The following EYS variants were observed in gnomAD, a reference collection of about 807,000 sequenced individuals.
EYS encodes the protein EGF-like photoreceptor maintenance factor.
Under a neutral mutation model 282.1 loss-of-function variants are expected in EYS, and 250 were observed. That is an observed-to-expected ratio of 0.89 (90% CI 0.80 to 0.98). EYS has a LOEUF of 0.98. Ranked by LOEUF, EYS falls within the 50% of genes least tolerant of loss-of-function variation. The pLI is 0.00. For missense variants in EYS, 4,016 were observed against 3,709.0 expected, an observed-to-expected ratio of 1.08 and a Z score of -2.15; for synonymous variants, 1,355 against 1,282.9, an observed-to-expected ratio of 1.06 and a Z score of -1.20.
intron 1 of EYS, among the ~76,000 whole-genome samples, chr6:65,679,070 G>C (rs978177351): frequency 6.6e-6 from 1 of 151,862 alleles, no homozygotes. Flanking sequence ...CTGTAAAATC[G>C]TGCTGGGGCT....
intron 9 of EYS, among the ~76,000 whole-genome samples, chr6:65,350,534 C>T (rs1221233633): frequency 6.6e-6 from 1 of 151,506 alleles, no homozygotes; most frequent in Non-Finnish European, 1.5e-5. Context: ...CTTGGATAAG[C>T]AAACTGAAAT....
intron 25 of EYS, 100 bp from the exon 26 acceptor site, chr6:64,592,089 C>T (rs1246029135): frequency 1.7e-5 from 12 of 706,452 alleles, no homozygotes; most frequent in Middle Eastern, 5.1e-4. Flanking sequence ...TGGCACCTTA[C>T]ATCCATTATA....
rs148569765 is a variant in EYS at position 63,811,570 on chromosome 6, G to A, written c.7229-5198C>T. On this transcript the variant is annotated intron_variant, in intron 36 of 42. Transcript: ENST00000503581. ...CATTCTGTATTTGATCATGAGTACC[G>A]TTTACAGGTGGATGAGTCCTGAGTA... Among the ~76,000 whole-genome samples, 644 of 151,764 alleles carry A rather than the reference G, an allele frequency of 4.2e-3. 7 individuals carry two copies. The highest frequency in any genetic ancestry group is 0.015 in the African/African-American group (615 of 41,328).
intron 13 of EYS, among the ~76,000 whole-genome samples, chr6:65,022,913 A>T (rs1030276441): frequency 6.6e-6 from 1 of 151,930 alleles, no homozygotes; most frequent in Non-Finnish European, 1.5e-5. Flanking sequence ...TGTTAACATT[A>T]ATTTGAAAGA....
At chr6:64,571,254 C>T (rs375855114) in intron 26 of EYS, among the ~76,000 whole-genome samples, 4 of 152,240 alleles carry the variant, frequency 2.6e-5, no homozygotes, top group African/African-American at 4.8e-5. Flanking sequence ...ACACAATGTA[C>T]CAGCATCTCT....
chr6:64,584,862 G>T (rs569717977), intron 26 of EYS, among the ~76,000 whole-genome samples: 1 of 151,944 alleles, frequency 6.6e-6, no homozygotes, highest in Non-Finnish European at 1.5e-5. Context: ...ACTATAAAAT[G>T]TACTCACTAT....
intron 2 of EYS, among the ~76,000 whole-genome samples, chr6:65,519,011 G>A (rs747904381): frequency 9.9e-5 from 15 of 152,082 alleles, no homozygotes; most frequent in South Asian, 4.2e-4. Flanking sequence ...TAATGCCCAT[G>A]TCAGAAAAAA....
At chr6:65,063,574 G>T in intron 12 of EYS, among the ~76,000 whole-genome samples, 1 of 152,090 alleles carries the variant, frequency 6.6e-6, no homozygotes, top group Non-Finnish European at 1.5e-5. Flanking sequence ...ATGGCCAAAA[G>T]GTGTCTGATC....
chr6:65,494,777 G>C lies in EYS; in HGVS notation c.634C>G (p.Gln212Glu). ...TTAAAAGAACATGCATCAAGTTCCT[G>C]GCAGTATTTTCCAGAAAATGGAGGC... ...CQPPFSGKYCQELDACSFKPC... is the reference protein window; with the variant it reads ...CQPPFSGKYCEELDACSFKPC... Residue 212 changes from glutamine to glutamate, a missense_variant, in exon 4 of 43, where the codon CAG (glutamine) becomes GAG (glutamate). By Grantham distance (29) the Gln-to-Glu change is conservative. Coordinates refer to ENST00000503581, the MANE Select transcript of EYS (RefSeq NM_001142800.2). The C allele has an allele frequency of 6.2e-7, 1 of 1,614,026 alleles. No homozygotes were observed. Among genetic ancestry groups the C allele is most frequent in the Non-Finnish European group, 8.5e-7 (1 of 1,179,990 alleles).
chr6:64,614,670 T>G (rs1365727672), intron 24 of EYS, among the ~76,000 whole-genome samples: 3 of 152,160 alleles, frequency 2.0e-5, no homozygotes, highest in Non-Finnish European at 4.4e-5. Flanking sequence ...CATCATAGTT[T>G]GGCCTAGCCT....
At chr6:65,706,457 G>T (rs752577433) in intron 1 of EYS, among the ~76,000 whole-genome samples, 1 of 152,046 alleles carries the variant, frequency 6.6e-6, no homozygotes, top group Non-Finnish European at 1.5e-5. Flanking sequence ...GACTGGTAGT[G>T]TATTAATAAG....
intron 10 of EYS, among the ~76,000 whole-genome samples, chr6:65,340,723 A>G (rs1471366877): frequency 6.6e-6 from 1 of 151,182 alleles, no homozygotes; most frequent in Non-Finnish European, 1.5e-5. Flanking sequence ...CTGATGCACT[A>G]CTAAGACTCT....
At chr6:65,592,983 T>TA (rs1205035143) in intron 2 of EYS, among the ~76,000 whole-genome samples, 1 of 152,022 alleles carries the variant, frequency 6.6e-6, no homozygotes, top group Non-Finnish European at 1.5e-5. Flanking sequence ...CTGTTTCCAG[T>TA]AACTCCAGCA....
chr6:64,134,760 C>T (rs1774103423), intron 31 of EYS, among the ~76,000 whole-genome samples: 1 of 152,000 alleles, frequency 6.6e-6, no homozygotes, highest in South Asian at 2.1e-4. Context: ...ACGAGGAGCT[C>T]TGCATATTGA....
chr6:65,541,469 A>C (rs964575356), intron 2 of EYS, among the ~76,000 whole-genome samples: 3 of 152,162 alleles, frequency 2.0e-5, no homozygotes, highest in African/African-American at 7.2e-5. Flanking sequence ...TTGGAGGTTA[A>C]TTCTGAATCT....
chr6:64,853,922 A>G (rs1202210240), intron 19 of EYS, among the ~76,000 whole-genome samples: 1 of 152,036 alleles, frequency 6.6e-6, no homozygotes, highest in Non-Finnish European at 1.5e-5. Flanking sequence ...AAACAACCCC[A>G]TCAAAAAGTG....
chr6:65,231,117 A>ATATATATATACTTTTATATATATACTTT (rs1164954730), intron 12 of EYS, among the ~76,000 whole-genome samples: 11 of 128,836 alleles, frequency 8.5e-5, no homozygotes, highest in African/African-American at 3.0e-4. Context: ...ATATGTATTT[A>ATATATATATACTTTTATATATATACTTT]TATATATATA....
At chr6:65,223,105 T>G (rs987334630) in intron 12 of EYS, among the ~76,000 whole-genome samples, 10 of 151,998 alleles carry the variant, frequency 6.6e-5, no homozygotes, top group African/African-American at 2.4e-4. Context: ...GTTTTAAAGC[T>G]CTGGACCTCT....
At chr6:64,780,607 C>T (rs1161911457) in intron 22 of EYS, among the ~76,000 whole-genome samples, 1 of 152,054 alleles carries the variant, frequency 6.6e-6, no homozygotes, top group Non-Finnish European at 1.5e-5. Flanking sequence ...AGAAGCCAAA[C>T]CTCACCATTA....
Sources: allele counts gnomAD v4.1 joint callset (sites outside exome capture counted in the v4.1 genomes callset), GRCh38; gene constraint gnomAD v4.1.1; transcripts MANE v1.5; gene names NCBI Gene and HGNC (gene_info 2026-07-23, HGNC 2026-07-21).